Variants in TIMM23 observed in about 807,000 individuals in gnomAD.
The protein encoded by TIMM23 is mitochondrial import inner membrane translocase subunit Tim23.
A neutral mutation model predicts 30.7 loss-of-function variants in TIMM23; 19 were observed. The observed-to-expected ratio is 0.62, with a 90% CI of 0.43 to 0.91. TIMM23 has a LOEUF of 0.91. Among genes scored for constraint, TIMM23 ranks in the 40% least tolerant of loss-of-function variants. The probability of loss-of-function intolerance (pLI) is 0.00; values close to 1 mark genes in which losing one functional copy is unlikely to be tolerated. For synonymous variants in TIMM23, 78 were observed against 98.5 expected, an observed-to-expected ratio of 0.79 and a Z score of 1.23; for missense variants, 202 against 269.2, an observed-to-expected ratio of 0.75 and a Z score of 1.75.
At position 45,985,324 on chromosome 10, in the gene TIMM23, A is replaced by T. The variant is rs1837962594; in HGVS notation, c.345-59A>T. 114 of 1,610,308 alleles carry T rather than the reference A, an allele frequency of 7.1e-5. No individual in the cohort carries two copies. The South Asian group carries it at 1.2e-3, about 17-fold the overall frequency. ...TGTTAAATAGCCATTATTGTTTTTA[A>T]AGGTTACTAGAGAAATAATGATTCT... On this transcript the variant is annotated intron_variant, in intron 4 of 6. Coordinates refer to ENST00000580018, the MANE Select transcript of TIMM23 (RefSeq NM_006327.4).
intron 5 of TIMM23, among the ~76,000 whole-genome samples, chr10:45,987,658 T>C (rs1344497476): frequency 2.7e-5 from 4 of 146,332 alleles, no homozygotes; most frequent in African/African-American, 1.0e-4. Flanking sequence ...GGTCTTGCTC[T>C]GTCACCCATG....
At chr10:45,972,849 G>C in intron 1 of TIMM23, 119 bp downstream of exon 1, 2 of 1,531,670 alleles carry the variant, frequency 1.3e-6, no homozygotes, top group East Asian at 2.5e-5. Flanking sequence ...ACAAGCTTAA[G>C]TACCAGTGGT....
At chr10:45,981,641 C>A (rs1837848291) in intron 2 of TIMM23, among the ~76,000 whole-genome samples, 1 of 152,046 alleles carries the variant, frequency 6.6e-6, no homozygotes, top group Non-Finnish European at 1.5e-5. Flanking sequence ...TCAGTATTTG[C>A]CACAAGGATG....
chr10:45,976,809 A>T (rs1202580444), intron 2 of TIMM23, among the ~76,000 whole-genome samples: 8 of 152,156 alleles, frequency 5.3e-5, no homozygotes, highest in African/African-American at 1.7e-4. Flanking sequence ...GTTAAATGGC[A>T]TTCAAGTTGA....
At chr10:45,997,115 C>T (rs1485759071) in intron 6 of TIMM23, among the ~76,000 whole-genome samples, 8 of 151,950 alleles carry the variant, frequency 5.3e-5, no homozygotes, top group Admixed American at 1.3e-4. Context: ...ATGCTACTCC[C>T]GAGGCTGAGG....
intron 6 of TIMM23, 105 bp downstream of exon 6, chr10:45,988,952 G>A (rs1274426962): frequency 1.3e-6 from 1 of 796,562 alleles, no homozygotes; most frequent in Non-Finnish European, 2.1e-6. Context: ...ATAATCTAGT[G>A]TTCTAACTTT....
intron 6 of TIMM23, among the ~76,000 whole-genome samples, chr10:45,993,243 A>ATTTTTTTTTTTTT (rs1838221633): frequency 3.5e-4 from 11 of 31,738 alleles, no homozygotes; most frequent in East Asian, 1.1e-3. Context: ...ATCTACCATC[A>ATTTTTTTTTTTTT]CTTTTTTTTT....
At chr10:45,988,673 A>C (rs1471700450) in intron 5 of TIMM23, 64 bp from the exon 6 acceptor site, 39 of 1,165,482 alleles carry the variant, frequency 3.3e-5, no homozygotes, top group Middle Eastern at 1.9e-4. Flanking sequence ...AAACCAATAT[A>C]TGTATATCAT....
chr10:45,987,056 A>G (rs1404564597), intron 5 of TIMM23, among the ~76,000 whole-genome samples: 2 of 152,136 alleles, frequency 1.3e-5, no homozygotes, highest in Non-Finnish European at 2.9e-5. Flanking sequence ...AAGTGACTGT[A>G]TAGTATTCCA....
At chr10:46,001,672 A>G (rs1564912938) in intron 6 of TIMM23, among the ~76,000 whole-genome samples, 1 of 152,146 alleles carries the variant, frequency 6.6e-6, no homozygotes, top group Admixed American at 6.5e-5. Context: ...TCTCCCTAAC[A>G]CATGACTTGG....
chr10:45,994,802 C>T (rs1838279809), intron 6 of TIMM23, among the ~76,000 whole-genome samples: 1 of 151,836 alleles, frequency 6.6e-6, no homozygotes, highest in Non-Finnish European at 1.5e-5. Flanking sequence ...TAGTTTAGAT[C>T]AGCAGGGATT....
intron 6 of TIMM23, among the ~76,000 whole-genome samples, chr10:45,999,707 A>G (rs1255507105): frequency 6.6e-6 from 1 of 152,200 alleles, no homozygotes; most frequent in Non-Finnish European, 1.5e-5. Context: ...ACATCTTATC[A>G]GGAGACAAGG....
At chr10:45,977,279 C>G (rs1837702023) in intron 2 of TIMM23, among the ~76,000 whole-genome samples, 2 of 149,388 alleles carry the variant, frequency 1.3e-5, no homozygotes, top group Non-Finnish European at 3.0e-5. Flanking sequence ...ATAGAATGGC[C>G]AATGACCTTG....
intron 2 of TIMM23, among the ~76,000 whole-genome samples, chr10:45,979,571 T>G (rs1837781723): frequency 6.8e-6 from 1 of 147,094 alleles, no homozygotes. Context: ...CCTCCCAAAG[T>G]GCTGGAATTA....
intron 1 of TIMM23, 55 bp downstream of exon 1, chr10:45,972,785 A>G: frequency 6.2e-7 from 1 of 1,600,090 alleles, no homozygotes; most frequent in African/African-American, 1.4e-5. Context: ...CGTCTACACT[A>G]AGTTGCGCGT....
At chr10:45,996,964 CAAACA>C (rs1235817674) in intron 6 of TIMM23, among the ~76,000 whole-genome samples, 11 of 111,804 alleles carry the variant, frequency 9.8e-5, no homozygotes, top group Admixed American at 7.5e-4. Flanking sequence ...GACCCTGTGT[CAAACA>C]AAAAAAAAAA....
At position 45,972,588 on chromosome 10, in the gene TIMM23, A is replaced by G; in HGVS notation, c.-37A>G. 6.2e-7 allele frequency: 1 copy of G among 1,605,990 alleles called. No individual in the cohort carries two copies. The highest frequency in any genetic ancestry group is 8.5e-7 in the Non-Finnish European group (1 of 1,175,152). On this transcript the variant is annotated 5_prime_UTR_variant, in exon 1 of 7. Transcript: ENST00000580018. The stretch of plus-strand genomic sequence containing the variant: ...CGGCCCAGCGGACCACCCAGGCTTG[A>G]GGCAGCGGCGGGAACCACTCGGTTT...
At position 45,996,278 on chromosome 10, in the gene TIMM23, C is replaced by G. The variant is rs201151615; in HGVS notation, c.515-6925C>G. 2.1e-4 allele frequency among the ~76,000 whole-genome samples: 30 copies of G among 144,202 alleles called. No homozygotes were observed. In the East Asian group the frequency reaches 5.8e-3, roughly 28 times the overall value. The allele number at this position is 144,202 out of a possible 152,430, so 94.6% of individuals were successfully genotyped here. A position where few individuals can be genotyped will look rare whatever the true frequency, so the allele number is the denominator to read the frequency against. On this transcript the variant is annotated intron_variant, in intron 6 of 6. Transcript: ENST00000580018. ...TAGGGAGGCTGAGACAGGAGAATGG[C>G]GTGAACCTGGGAGGCAAGGCTTGCA...
intron 6 of TIMM23, among the ~76,000 whole-genome samples, chr10:45,999,705 T>G (rs1190206514): frequency 6.6e-6 from 1 of 152,148 alleles, no homozygotes; most frequent in Admixed American, 6.5e-5. Flanking sequence ...TAACATCTTA[T>G]CAGGAGACAA....
Sources: gnomAD v4.1 joint callset for allele counts (sites outside exome capture counted in the v4.1 genomes callset) on GRCh38, gnomAD v4.1.1 for gene constraint, MANE v1.5 for transcripts, NCBI Gene and HGNC (gene_info 2026-07-23, HGNC 2026-07-21) for gene names.